The following PGM3 variants were observed in gnomAD, a reference collection of about 807,000 sequenced individuals.
The protein encoded by PGM3 is phosphoglucomutase 3.
A neutral mutation model predicts 66.2 loss-of-function variants in PGM3; 40 were observed. That is an observed-to-expected ratio of 0.60 (90% CI 0.47 to 0.79). The LOEUF is 0.79. Ranked by LOEUF, PGM3 falls within the 30% of genes least tolerant of loss-of-function variation. The pLI is 0.00. For missense variants in PGM3, 537 were observed against 643.4 expected, an observed-to-expected ratio of 0.83 and a Z score of 1.79; for synonymous variants, 191 against 224.2, an observed-to-expected ratio of 0.85 and a Z score of 1.32.
chr6:83,171,169 G>A (rs915381384), intron 11 of PGM3: 6 of 151,968 alleles, frequency 3.9e-5, no homozygotes, highest in Non-Finnish European at 5.9e-5. Context: ...GTGAGATCTC[G>A]TCTCTAAATA....
intron 8 of PGM3, among the ~76,000 whole-genome samples, chr6:83,176,536 G>A (rs1787784097): frequency 6.6e-6 from 1 of 152,190 alleles, no homozygotes; most frequent in South Asian, 2.1e-4. Context: ...ATAAAACTTT[G>A]TTTGCAAATA....
At chr6:83,172,792 TATC>T (rs940545247) in intron 10 of PGM3, among the ~76,000 whole-genome samples, 4 of 152,218 alleles carry the variant, frequency 2.6e-5, no homozygotes, top group South Asian at 2.1e-4. Flanking sequence ...GCCAGATATG[TATC>T]ATATTTTTTA....
In PGM3 at chr6:83,170,346, T is replaced by G; in HGVS notation, c.1498A>C (p.Thr500Pro). 6.2e-7 allele frequency: 1 copy of G among 1,614,170 alleles called. No individual in the cohort carries two copies. Among genetic ancestry groups the G allele is most frequent in the Non-Finnish European group, 8.5e-7 (1 of 1,180,010 alleles). ...LSRAFVRPSG[T>P]EDVVRVYAEA... The stretch of plus-strand genomic sequence containing the variant: ...GCATATACTCGGACGACATCTTCTG[T>G]ACCAGAGGGCCGGACAAAAGCTCGA... Residue 500 changes from threonine to proline, a missense_variant, in exon 12 of 13, where the codon ACA becomes CCA. Physicochemically the swap from Thr to Pro is conservative, Grantham distance 38. Coordinates refer to ENST00000513973, the MANE Select transcript of PGM3 (RefSeq NM_015599.3).
At chr6:83,175,697 T>A (rs1787712240) in intron 9 of PGM3, among the ~76,000 whole-genome samples, 1 of 152,142 alleles carries the variant, frequency 6.6e-6, no homozygotes, top group Non-Finnish European at 1.5e-5. Context: ...GACAACATAC[T>A]TATAAAAAAA....
At chr6:83,185,298 G>A (rs1257541453) in intron 4 of PGM3, among the ~76,000 whole-genome samples, 2 of 152,210 alleles carry the variant, frequency 1.3e-5, no homozygotes, top group Non-Finnish European at 2.9e-5. Flanking sequence ...TGTCATGTAG[G>A]CTGGATGAGC....
chr6:83,153,764 T>G, the PGM3 span: 32 of 1,197,354 alleles, frequency 2.7e-5, no homozygotes, highest in Non-Finnish European at 3.5e-5. Flanking sequence ...TCATATATTA[T>G]TTTTCTTATG....
the PGM3 span, chr6:83,151,745 T>C: frequency 6.8e-7 from 1 of 1,476,338 alleles, no homozygotes; most frequent in Non-Finnish European, 9.2e-7. Flanking sequence ...TAAACTGAAG[T>C]TTCTTTCAAC....
downstream of PGM3, chr6:83,158,525 A>G: frequency 7.1e-7 from 1 of 1,407,452 alleles, no homozygotes; most frequent in South Asian, 1.2e-5. Context: ...AAAGGATTAA[A>G]TATCCAGTTT....
chr6:83,175,342 CCTT>C (rs1463625500), intron 9 of PGM3, among the ~76,000 whole-genome samples: 1 of 152,106 alleles, frequency 6.6e-6, no homozygotes, highest in Non-Finnish European at 1.5e-5. Context: ...TTATTTTTCC[CCTT>C]TTTATATTTA....
the PGM3 span, among the ~76,000 whole-genome samples, chr6:83,152,627 T>TC: frequency 2.7e-5 from 4 of 150,726 alleles, no homozygotes; most frequent in Non-Finnish European, 5.9e-5. Flanking sequence ...TTTCTTTTTT[T>TC]TTTTTTTTTG....
intron 11 of PGM3, among the ~76,000 whole-genome samples, chr6:83,171,522 C>A (rs536514928): frequency 6.6e-6 from 1 of 152,064 alleles, no homozygotes; most frequent in Non-Finnish European, 1.5e-5. Flanking sequence ...GACGGAGTCT[C>A]GCTCTGTCGC....
intron 5 of PGM3, 24 bp from the exon 6 acceptor site, chr6:83,181,955 A>C (rs774564992): frequency 4.9e-5 from 74 of 1,508,200 alleles, no homozygotes; most frequent in Non-Finnish European, 5.4e-6. Flanking sequence ...AGACACATGG[A>C]AGAAAAATTT....
At chr6:83,188,434 A>G in intron 3 of PGM3, 180 bp downstream of exon 3, 1 of 541,154 alleles carries the variant, frequency 1.8e-6, no homozygotes, top group Non-Finnish European at 3.3e-6. Flanking sequence ...TCAGACTCCA[A>G]ACCCCAAGCT....
chr6:83,169,263 TTCC>T lies in PGM3; in HGVS notation c.1597_1599del (p.Gly533del). 1 of 1,614,094 alleles carries T rather than the reference TTCC, an allele frequency of 6.2e-7. No homozygotes were observed. Among genetic ancestry groups the T allele is most frequent in the Non-Finnish European group, 8.5e-7 (1 of 1,179,926 alleles). On this transcript the variant is annotated inframe_deletion, in exon 13 of 13. Transcript: ENST00000513973. ...AAACCTGGTTGGGGCCTTTCTCCAATTCCTCCAGCCAGCTGAAATACTGCCAAG... is the reference window on the plus strand; with the variant it reads ...AAACCTGGTTGGGGCCTTTCTCCAATTCCAGCCAGCTGAAATACTGCCAAG...
downstream of PGM3, among the ~76,000 whole-genome samples, chr6:83,158,046 T>G (rs1340513882): frequency 3.9e-5 from 6 of 152,100 alleles, no homozygotes; most frequent in African/African-American, 9.7e-5. Flanking sequence ...TCACCCAGGC[T>G]GGAGTGCAGT....
chr6:83,189,147 C>T (rs1232100143), intron 2 of PGM3, among the ~76,000 whole-genome samples: 2 of 152,214 alleles, frequency 1.3e-5, no homozygotes, highest in Non-Finnish European at 2.9e-5. Context: ...CCTAAAAACA[C>T]TATGCCACAC....
intron 9 of PGM3, among the ~76,000 whole-genome samples, chr6:83,175,159 A>C (rs1018314427): frequency 1.3e-5 from 2 of 152,184 alleles, no homozygotes; most frequent in African/African-American, 4.8e-5. Flanking sequence ...GTAAAGTTTT[A>C]CTGGAACACA....
chr6:83,168,462 T>A lies in PGM3; in HGVS notation c.*772A>T. 4 of 1,049,026 alleles carry A rather than the reference T, an allele frequency of 3.8e-6. No individual in the cohort carries two copies. Among genetic ancestry groups the A allele is most frequent in the Non-Finnish European group, 4.6e-6 (4 of 871,214 alleles). The allele number at this position is 1,049,026 out of a possible 1,614,324, so 65.0% of individuals were successfully genotyped here. A position where few individuals can be genotyped will look rare whatever the true frequency, so the allele number is the denominator to read the frequency against. On this transcript the variant is annotated 3_prime_UTR_variant, in exon 13 of 13. Transcript: ENST00000513973. ...AACCTGCAAAATATACACTACCCATTTTTTTTTTCCATTGGTTTCAGACTT... is the reference window on the plus strand; with the variant it reads ...AACCTGCAAAATATACACTACCCATATTTTTTTTCCATTGGTTTCAGACTT...
chr6:83,152,667 G>T, the PGM3 span, among the ~76,000 whole-genome samples: 1 of 149,604 alleles, frequency 6.7e-6, no homozygotes, highest in Non-Finnish European at 1.5e-5. Context: ...GCCCAGGCTG[G>T]AGTCAAGTGG....
Sources: gnomAD v4.1 joint callset for allele counts (sites outside exome capture counted in the v4.1 genomes callset) on GRCh38, gnomAD v4.1.1 for gene constraint, MANE v1.5 for transcripts, NCBI Gene and HGNC (gene_info 2026-07-23, HGNC 2026-07-21) for gene names.